Variants in UROC1 observed in about 807,000 individuals in gnomAD.
UROC1 encodes urocanate hydratase.
UROC1 carries 79 observed loss-of-function variants against 89.5 expected under a neutral mutation model. That is an observed-to-expected ratio of 0.88 (90% confidence interval 0.74 to 1.06). UROC1 has a LOEUF of 1.06. UROC1 is among the 50% of genes least tolerant of loss of function. The pLI is 0.00. For missense variants in UROC1, 885 were observed against 907.8 expected (o/e 0.97, Z 0.32); for synonymous variants, 361 against 354.8 (o/e 1.02, Z -0.20).
intron 15 of UROC1, among the ~76,000 whole-genome samples, chr3:126,495,489 T>A (rs1935755494): frequency 6.6e-6 from 1 of 152,206 alleles, no homozygotes; most frequent in Non-Finnish European, 1.5e-5. Context: ...CTCCCTTCCG[T>A]TTGAGGCCGA....
chr3:126,488,394 C>A (rs1480721928), intron 17 of UROC1, 115 bp from the exon 18 acceptor site: 4 of 1,140,982 alleles, frequency 3.5e-6, no homozygotes, highest in Non-Finnish European at 5.2e-6. Context: ...GATGGGGCGG[C>A]AACTAGGCCC....
chr3:126,505,672 G>C lies in UROC1; in HGVS notation c.813+29C>G. 3.1e-6 allele frequency: 5 copies of C among 1,612,974 alleles called. No homozygotes were observed. In the South Asian group the frequency reaches 4.4e-5, roughly 14 times the overall value. ...GGGAGGGAGGGAGGGAGGCAGGCAG[G>C]AGCGAAGGCCAGGAGCCCCCCAGCT... On this transcript the variant is annotated intron_variant, in intron 8 of 19. Coordinates refer to ENST00000290868, the MANE Select transcript of UROC1 (RefSeq NM_144639.3).
At chr3:126,492,778 A>G (rs1364855097) in intron 15 of UROC1, among the ~76,000 whole-genome samples, 1 of 152,108 alleles carries the variant, frequency 6.6e-6, no homozygotes, top group Non-Finnish European at 1.5e-5. Context: ...CACCTCCCCC[A>G]ATCCCAGATT....
Position 126,503,991 on chromosome 3 carries a change from G to A in UROC1, c.902+4C>T. 6.2e-7 allele frequency: 1 copy of A among 1,614,038 alleles called. No homozygotes were observed. Among genetic ancestry groups the A allele is most frequent in the South Asian group, 1.1e-5 (1 of 91,092 alleles). ...GGTGTCCGGAGTTGAGCTTGGAGCT[G>A]TACCTGAGCCTCTGGATGCAGCGGT... On this transcript the variant is annotated splice_donor_region_variant and intron_variant, in intron 9 of 19. Coordinates refer to ENST00000290868, the MANE Select transcript of UROC1 (RefSeq NM_144639.3).
chr3:126,501,189 C>G (rs1935912648), intron 10 of UROC1, 29 bp downstream of exon 10: 1 of 1,612,520 alleles, frequency 6.2e-7, no homozygotes. Context: ...GGTTCCCAAG[C>G]TGGCCATCAA....
chr3:126,495,999 G>A (rs1223898964), intron 15 of UROC1, 39 bp downstream of exon 15: 1 of 1,599,376 alleles, frequency 6.3e-7, no homozygotes. Flanking sequence ...TCTTCTGACA[G>A]CACAGCCACC....
At chr3:126,517,417 T>C (rs118031267) in intron 1 of UROC1, among the ~76,000 whole-genome samples, 177 bp downstream of exon 1, 1 of 152,192 alleles carries the variant, frequency 6.6e-6, no homozygotes, top group East Asian at 1.9e-4. Flanking sequence ...CAAGGGCGGC[T>C]GCATCCAAGA....
chr3:126,513,650 C>T (rs2107551886), intron 1 of UROC1, among the ~76,000 whole-genome samples: 1 of 152,304 alleles, frequency 6.6e-6, no homozygotes, highest in South Asian at 2.1e-4. Context: ...GCCCCTGGCA[C>T]ACCTAAGTGT....
Position 126,499,358 on chromosome 3 carries a change from G to C in UROC1, c.1295C>G (p.Ser432Cys). The change falls in exon 13 of 20, where the codon TCC becomes TGC. Residue 432 changes from serine to cysteine, a missense_variant. Physicochemically the swap from Ser to Cys is moderately radical, Grantham distance 112. Transcript: ENST00000290868. ...TCACCCCATGATGTGCTGCACATAG[G>C]AAGGGTAGCGGAACTCTGTCCTGCC... ...GAGRTEFRYP[S>C]YVQHIMGDIF... The C allele has an allele frequency of 1.2e-6, 2 of 1,612,130 alleles. No individual in the cohort carries two copies. The highest frequency in any genetic ancestry group is 2.7e-5 in the African/African-American group (2 of 74,488).
chr3:126,483,188 A>G (rs1027968799), intron 19 of UROC1, among the ~76,000 whole-genome samples, 181 bp downstream of exon 19: 1 of 152,004 alleles, frequency 6.6e-6, no homozygotes, highest in African/African-American at 2.4e-5. Context: ...TCTCCCCATC[A>G]TCACCTGACC....
chr3:126,503,856 T>C (rs1935993185), intron 9 of UROC1, 139 bp downstream of exon 9: 6 of 881,874 alleles, frequency 6.8e-6, no homozygotes, highest in Non-Finnish European at 1.1e-5. Flanking sequence ...TACATGTGCA[T>C]GTATGTGTGG....
chr3:126,508,516 A>C, intron 3 of UROC1, 41 bp from the exon 4 acceptor site: 1 of 1,570,188 alleles, frequency 6.4e-7, no homozygotes, highest in Non-Finnish European at 8.7e-7. Flanking sequence ...GGGCCTGGGA[A>C]GGGCCTATGG....
chr3:126,483,527 G>A, intron 18 of UROC1, 59 bp from the exon 19 acceptor site: 1 of 1,512,004 alleles, frequency 6.6e-7, no homozygotes, highest in Non-Finnish European at 9.1e-7. Context: ...CACAGAGCAG[G>A]CAGAAGCCCA....
intron 8 of UROC1, among the ~76,000 whole-genome samples, chr3:126,505,234 A>C (rs999521380): frequency 6.6e-6 from 1 of 151,904 alleles, no homozygotes; most frequent in South Asian, 2.1e-4. Flanking sequence ...CTTTATAGAA[A>C]CTCAAATAAC....
At chr3:126,514,706 C>T (rs1271731964) in intron 1 of UROC1, among the ~76,000 whole-genome samples, 1 of 151,828 alleles carries the variant, frequency 6.6e-6, no homozygotes, top group African/African-American at 2.4e-5. Context: ...TGCATAGATG[C>T]ATAGAATGTG....
chr3:126,508,383 G>T, intron 4 of UROC1, 33 bp downstream of exon 4: 1 of 1,608,940 alleles, frequency 6.2e-7, no homozygotes, highest in Non-Finnish European at 8.5e-7. Flanking sequence ...GGAAAGGCCA[G>T]GGGTGGGGAC....
chr3:126,506,410 C>T (rs6439014), intron 6 of UROC1, among the ~76,000 whole-genome samples: 2 of 152,100 alleles, frequency 1.3e-5, no homozygotes, highest in Non-Finnish European at 2.9e-5. Flanking sequence ...TGCTGAGATG[C>T]CCCTCCACCG....
chr3:126,497,219 G>C (rs1035569730), intron 14 of UROC1, among the ~76,000 whole-genome samples: 2 of 152,254 alleles, frequency 1.3e-5, no homozygotes, highest in African/African-American at 4.8e-5. Flanking sequence ...AAGGGCCCTA[G>C]AGATGTGAAG....
chr3:126,505,493 T>C (rs1936032786), intron 8 of UROC1, among the ~76,000 whole-genome samples: 1 of 152,148 alleles, frequency 6.6e-6, no homozygotes. Context: ...TGCAGGGTGA[T>C]GGGCACTTTG....
Sources: gnomAD v4.1 joint callset for allele counts (sites outside exome capture counted in the v4.1 genomes callset) on GRCh38, gnomAD v4.1.1 for gene constraint, MANE v1.5 for transcripts, NCBI Gene and HGNC (gene_info 2026-07-23, HGNC 2026-07-21) for gene names.